Variants in TNFSF9 observed in about 807,000 individuals in gnomAD.
The protein encoded by TNFSF9 is tumor necrosis factor ligand superfamily member 9.
In TNFSF9, 10 loss-of-function variants were observed where a neutral mutation model predicts 10.3. The ratio of observed to expected loss-of-function variants is 0.97; its 90% confidence interval spans 0.60 to 1.65. The LOEUF (loss-of-function observed/expected upper bound fraction) is 1.65. Ranked by LOEUF, TNFSF9 falls within the 40% of genes most tolerant of loss-of-function variation. The pLI is 0.00. For missense variants in TNFSF9, 361 were observed against 348.9 expected, an observed-to-expected ratio of 1.03 and a Z score of -0.28; for synonymous variants, 195 against 176.1, an observed-to-expected ratio of 1.11 and a Z score of -0.85.
At chr19:6,532,021 T>G (rs1161838894) in intron 1 of TNFSF9, among the ~76,000 whole-genome samples, 1 of 152,144 alleles carries the variant, frequency 6.6e-6, no homozygotes, top group East Asian at 1.9e-4. Context: ...GCTCTGCATC[T>G]CTGGGGGGAA....
chr19:6,532,743 T>A, intron 1 of TNFSF9, 43 bp from the exon 2 acceptor site: 1 of 1,613,630 alleles, frequency 6.2e-7, no homozygotes, highest in South Asian at 1.1e-5. Flanking sequence ...CTCCATTTTC[T>A]AGGGGAACCC....
chr19:6,534,071 C>G (rs1915211093), intron 2 of TNFSF9, among the ~76,000 whole-genome samples: 1 of 128,002 alleles, frequency 7.8e-6, no homozygotes, highest in Non-Finnish European at 1.7e-5. Context: ...TTCCTTCTCT[C>G]CCTTCTCCTC....
At chr19:6,532,266 C>CGTGTGTGTGTGTGTGT (rs3043218) in intron 1 of TNFSF9, among the ~76,000 whole-genome samples, 11 of 139,822 alleles carry the variant, frequency 7.9e-5, no homozygotes, top group African/African-American at 2.8e-4. Context: ...CCACCAGCTT[C>CGTGTGTGTGTGTGTGT]GTGTGTGTGT....
Position 6,532,837 on chromosome 19 carries a change from CCG to C in TNFSF9, c.298+22_298+23del, listed in dbSNP as rs1212448487. 3 of 1,613,574 alleles carry C rather than the reference CCG, an allele frequency of 1.9e-6. No individual in the cohort carries two copies. The African/African-American group carries it at 4.0e-5, about 22-fold the overall frequency. On this transcript the variant is annotated intron_variant, in intron 2 of 2. Transcript: ENST00000245817. ...AAATGGTAAGTATCCTCCGCCACTT[CCG>C]GTCCCTGGCCCCCCACCATCCCCAC...
In TNFSF9 at chr19:6,534,878, C is replaced by G. The variant is rs780367014; in HGVS notation, c.577C>G (p.Arg193Gly). The G allele has an allele frequency of 1.9e-6, 3 of 1,607,104 alleles. No homozygotes were observed. The highest frequency in any genetic ancestry group is 1.7e-5 in the Admixed American group (1 of 59,838). The change falls in exon 3 of 3, where the codon CGG becomes GGG. Residue 193 changes from arginine (R) to glycine (G), a missense_variant. By Grantham distance (125) the Arg-to-Gly change is moderately radical (BLOSUM62 -2). Transcript: ENST00000245817. Reference protein sequence around the residue: ...VDLPPASSEARNSAFGFQGRL... With the variant: ...VDLPPASSEAGNSAFGFQGRL... The stretch of plus-strand genomic sequence containing the variant: ...CCTGCCACCCGCCTCCTCCGAGGCT[C>G]GGAACTCGGCCTTCGGTTTCCAGGG...
Position 6,532,934 on chromosome 19 carries a change from C to G in TNFSF9, c.298+118C>G. ...GCACACTGGCTTTGACCCTTGACCG[C>G]TGCTGTCTCTGAAAGCTGCTACTTC... On this transcript the variant is annotated intron_variant, in intron 2 of 2. Transcript: ENST00000245817. The G allele has an allele frequency of 3.5e-6, 5 of 1,423,092 alleles. No individual in the cohort carries two copies. The South Asian group carries it at 5.8e-5, about 16-fold the overall frequency. 88.2% of individuals were successfully genotyped at this position (1,423,092 alleles called of 1,614,324 possible). A position where few individuals can be genotyped will look rare whatever the true frequency, so the allele number is the denominator to read the frequency against.
At chr19:6,534,302 T>A (rs1046265041) in intron 2 of TNFSF9, among the ~76,000 whole-genome samples, 3 of 151,316 alleles carry the variant, frequency 2.0e-5, no homozygotes, top group Non-Finnish European at 4.4e-5. Flanking sequence ...CTCTTGTCCT[T>A]CTCCCTGGAT....
rs1599430734 is a variant in TNFSF9 at position 6,535,579 on chromosome 19, T to G, written c.*513T>G. On this transcript the variant is annotated 3_prime_UTR_variant, in exon 3 of 3. Transcript: ENST00000245817. The stretch of plus-strand genomic sequence containing the variant: ...TCTAGAAATAGACTGAAAGAAAATC[T>G]GAGTTATGGTAATACGTGAGGAATT... 1 of 152,280 alleles carries G rather than the reference T, an allele frequency of 6.6e-6. No homozygotes were observed. Among genetic ancestry groups the G allele is most frequent in the South Asian group, 2.1e-4 (1 of 4,824 alleles). The allele number at this position is 152,280 out of a possible 1,614,324, so 9.4% of individuals were successfully genotyped here.
chr19:6,532,636 C>T (rs949815441), intron 1 of TNFSF9, 150 bp from the exon 2 acceptor site: 16 of 934,662 alleles, frequency 1.7e-5, no homozygotes, highest in Non-Finnish European at 2.4e-5. Flanking sequence ...TGTGTGTGTG[C>T]GGTCTCTGTT....
Position 6,531,279 on chromosome 19 carries a change from C to T in TNFSF9, c.243C>T (p.Pro81=), listed in dbSNP as rs975306592. The stretch of plus-strand genomic sequence containing the variant: ...GTCCCGAGCTTTCGCCCGACGATCC[C>T]GCCGGCCTCTTGGACCTGCGGCAGG... ...REGPELSPDD[P]AGLLDLRQGM... Residue 81 remains proline, a synonymous_variant, in exon 1 of 3, where the codon CCC becomes CCT. Transcript: ENST00000245817. The T allele has an allele frequency of 3.2e-5, 48 of 1,507,204 alleles. No individual in the cohort carries two copies. In the Admixed American group the frequency reaches 8.2e-4, roughly 26 times the overall value. 93.4% of individuals were successfully genotyped at this position (1,507,204 alleles called of 1,614,324 possible).
In TNFSF9 at chr19:6,532,828, C is replaced by G; in HGVS notation, c.298+12C>G. 1.9e-6 allele frequency: 3 copies of G among 1,613,734 alleles called. No homozygotes were observed. Among genetic ancestry groups the G allele is most frequent in the Non-Finnish European group, 2.5e-6 (3 of 1,179,796 alleles). ...GGTGGCCCAAAATGGTAAGTATCCTCCGCCACTTCCGGTCCCTGGCCCCCC... is the reference window on the plus strand; with the variant it reads ...GGTGGCCCAAAATGGTAAGTATCCTGCGCCACTTCCGGTCCCTGGCCCCCC... On this transcript the variant is annotated intron_variant, in intron 2 of 2. Coordinates refer to ENST00000245817, the MANE Select transcript of TNFSF9 (RefSeq NM_003811.4).
rs368552664 is a variant in TNFSF9, at chr19:6,532,742, C to T, written c.268-44C>T. 6 of 1,613,462 alleles carry T rather than the reference C, an allele frequency of 3.7e-6. No individual in the cohort carries two copies. In the African/African-American group the frequency reaches 8.0e-5, roughly 22 times the overall value. On this transcript the variant is annotated intron_variant, in intron 1 of 2. Coordinates refer to ENST00000245817, the MANE Select transcript of TNFSF9 (RefSeq NM_003811.4). Reference sequence around the variant, plus strand: ...TGAGTGGGGACAGAACCTCCATTTTCTAGGGGAACCCCCATCCACTTTCCT... The same window carrying T: ...TGAGTGGGGACAGAACCTCCATTTTTTAGGGGAACCCCCATCCACTTTCCT...
At chr19:6,532,148 C>T (rs78208235) in intron 1 of TNFSF9, among the ~76,000 whole-genome samples, 2,842 of 152,312 alleles carry the variant, frequency 0.019, 82 homozygotes, top group African/African-American at 0.064. Flanking sequence ...CTGAGGTACC[C>T]CTCTCCCTTT....
intron 1 of TNFSF9, among the ~76,000 whole-genome samples, 163 bp from the exon 2 acceptor site, chr19:6,532,619 TTGTG>T (rs146976620): frequency 1.4e-5 from 2 of 147,654 alleles, no homozygotes; most frequent in African/African-American, 2.5e-5. Flanking sequence ...GTTTGTGTGT[TTGTG>T]TGTGTGTGTG....
At position 6,534,886 on chromosome 19, in the gene TNFSF9, G is replaced by T. The variant is rs1387686070; in HGVS notation, c.585G>T (p.Ser195=). 6.2e-7 allele frequency: 1 copy of T among 1,607,634 alleles called. No individual in the cohort carries two copies. The highest frequency in any genetic ancestry group is 1.1e-5 in the South Asian group (1 of 90,800). Residue 195 remains serine, a synonymous_variant, in exon 3 of 3, where the codon TCG becomes TCT. Coordinates refer to ENST00000245817, the MANE Select transcript of TNFSF9 (RefSeq NM_003811.4). ...CCGCCTCCTCCGAGGCTCGGAACTC[G>T]GCCTTCGGTTTCCAGGGCCGCTTGC... ...LPPASSEARN[S]AFGFQGRLLH...
Position 6,535,116 on chromosome 19 carries a change from T to A in TNFSF9, c.*50T>A. The A allele has an allele frequency of 6.9e-7, 1 of 1,455,582 alleles. No individual in the cohort carries two copies. Among genetic ancestry groups the A allele is most frequent in the Non-Finnish European group, 9.1e-7 (1 of 1,102,310 alleles). The allele number at this position is 1,455,582 out of a possible 1,614,324, so 90.2% of individuals were successfully genotyped here. A position where few individuals can be genotyped will look rare whatever the true frequency, so the allele number is the denominator to read the frequency against. ...TGGACAGAGTCCGAATCCTACTCCA[T>A]CCTTCATGGAGACCCCTGGTGCTGG... On this transcript the variant is annotated 3_prime_UTR_variant, in exon 3 of 3. Coordinates refer to ENST00000245817, the MANE Select transcript of TNFSF9 (RefSeq NM_003811.4).
chr19:6,535,301 A>G lies in TNFSF9; in HGVS notation c.*235A>G, dbSNP rs1915244378. 1 of 141,494 alleles carries G rather than the reference A, an allele frequency of 7.1e-6. No individual in the cohort carries two copies. The highest frequency in any genetic ancestry group is 7.4e-5 in the Admixed American group (1 of 13,548). 8.8% of individuals were successfully genotyped at this position (141,494 alleles called of 1,614,324 possible). A position where few individuals can be genotyped will look rare whatever the true frequency, so the allele number is the denominator to read the frequency against. ...TATTATATATATTATATATATATAT[A>G]TATTTCTATTTAAAGAGGATCCTGA... On this transcript the variant is annotated 3_prime_UTR_variant, in exon 3 of 3. Coordinates refer to ENST00000245817, the MANE Select transcript of TNFSF9 (RefSeq NM_003811.4).
intron 1 of TNFSF9, among the ~76,000 whole-genome samples, chr19:6,532,390 G>A (rs1915167038): frequency 7.3e-6 from 1 of 136,372 alleles, no homozygotes; most frequent in African/African-American, 2.9e-5. Flanking sequence ...TGTTCGTGTG[G>A]GTGTGTGTTC....
chr19:6,535,182 T>C lies in TNFSF9; in HGVS notation c.*116T>C. The C allele has an allele frequency of 8.5e-7, 1 of 1,178,712 alleles. No homozygotes were observed. Among genetic ancestry groups the C allele is most frequent in the Non-Finnish European group, 1.1e-6 (1 of 877,270 alleles). The allele number at this position is 1,178,712 out of a possible 1,614,324, so 73.0% of individuals were successfully genotyped here. ...TCTACCTCAAGGGGCTTGGCAGGGG[T>C]CCCTGCTGCTGACCTCCCCTTGAGG... On this transcript the variant is annotated 3_prime_UTR_variant, in exon 3 of 3. Coordinates refer to ENST00000245817, the MANE Select transcript of TNFSF9 (RefSeq NM_003811.4).
Sources: allele counts gnomAD v4.1 joint callset (sites outside exome capture counted in the v4.1 genomes callset), GRCh38; gene constraint gnomAD v4.1.1; transcripts MANE v1.5; gene names NCBI Gene and HGNC (gene_info 2026-07-23, HGNC 2026-07-21).